CAST: variants seen among roughly 807,000 people sequenced by gnomAD.
CAST encodes the protein MIR583 host.
In CAST, 76 loss-of-function variants were observed where a neutral mutation model predicts 119.6. The ratio of observed to expected loss-of-function variants is 0.64; its 90% CI spans 0.53 to 0.77. The LOEUF (loss-of-function observed/expected upper bound fraction) is 0.77, where lower values mean the gene tolerates loss of function less well. CAST is among the 30% of genes least tolerant of loss of function. The pLI is 0.00. For missense variants in CAST, 953 were observed against 946.5 expected (o/e 1.01, Z -0.09); for synonymous variants, 319 against 331.6 (o/e 0.96, Z 0.41).
chr5:96,544,173 C>T (rs988130350), intron 1 of CAST, among the ~76,000 whole-genome samples: 3 of 152,112 alleles, frequency 2.0e-5, no homozygotes, highest in African/African-American at 4.8e-5. Flanking sequence ...TTGACAACAT[C>T]GAGTCTTCCA....
chr5:96,716,172 G>A (rs1052430143), intron 3 of CAST, among the ~76,000 whole-genome samples: 3 of 152,132 alleles, frequency 2.0e-5, no homozygotes, highest in African/African-American at 7.2e-5. Flanking sequence ...CCTATAAAAG[G>A]TGTTTAAAGA....
At chr5:96,052,332 G>C in the CAST span, among the ~76,000 whole-genome samples, 12 of 152,158 alleles carry the variant, frequency 7.9e-5, no homozygotes, top group Non-Finnish European at 1.6e-4. Flanking sequence ...TAGTGTTGAA[G>C]ATGGACTACA....
the CAST span, among the ~76,000 whole-genome samples, chr5:96,358,786 G>A: frequency 6.6e-6 from 1 of 152,174 alleles, no homozygotes; most frequent in African/African-American, 2.4e-5. Flanking sequence ...ATGATGTGGT[G>A]CTGACAAGAA....
At chr5:96,434,856 A>C in the CAST span, among the ~76,000 whole-genome samples, 15 of 152,320 alleles carry the variant, frequency 9.8e-5, no homozygotes, top group South Asian at 3.1e-3. Flanking sequence ...AATTTCTTTA[A>C]ACATAAAGCA....
intron 2 of CAST, among the ~76,000 whole-genome samples, chr5:96,693,165 A>G (rs894693108): frequency 6.6e-6 from 1 of 152,260 alleles, no homozygotes; most frequent in Admixed American, 6.5e-5. Context: ...CAGCTGAACT[A>G]CATTGGTCCT....
At chr5:96,412,750 A>ATGTTTTTTTTTTTTTGTTT in the CAST span, among the ~76,000 whole-genome samples, 1 of 63,388 alleles carries the variant, frequency 1.6e-5, no homozygotes, top group African/African-American at 7.9e-5. Context: ...GGCAGCTGTG[A>ATGTTTTTTTTTTTTTGTTT]TGTTTTTTTT....
chr5:96,332,102 A>T, the CAST span, among the ~76,000 whole-genome samples: 1 of 152,232 alleles, frequency 6.6e-6, no homozygotes, highest in Admixed American at 6.5e-5. Flanking sequence ...GTTGTAAAAG[A>T]GGAAAATCAA....
chr5:96,515,387 C>T, the CAST span, among the ~76,000 whole-genome samples: 1 of 151,808 alleles, frequency 6.6e-6, no homozygotes, highest in Non-Finnish European at 1.5e-5. Context: ...AATGGCACAA[C>T]AGCAGTCATT....
chr5:96,470,601 A>G, the CAST span, among the ~76,000 whole-genome samples: 5 of 152,028 alleles, frequency 3.3e-5, no homozygotes, highest in Admixed American at 3.3e-4. Flanking sequence ...ACTGAATTTA[A>G]TTAAGTCCTT....
the CAST span, among the ~76,000 whole-genome samples, chr5:96,275,521 A>G: frequency 2.6e-5 from 4 of 152,234 alleles, no homozygotes; most frequent in African/African-American, 4.8e-5. Context: ...TGAAGATAAT[A>G]TGATAGTTTG....
At chr5:96,720,559 G>A (rs1488524607) in intron 3 of CAST, among the ~76,000 whole-genome samples, 1 of 152,224 alleles carries the variant, frequency 6.6e-6, no homozygotes, top group Non-Finnish European at 1.5e-5. Context: ...GCCTTAGTGA[G>A]GGAAGAAAAC....
the CAST span, among the ~76,000 whole-genome samples, chr5:96,471,642 A>T: frequency 6.6e-6 from 1 of 152,158 alleles, no homozygotes; most frequent in Non-Finnish European, 1.5e-5. Flanking sequence ...ACTTTAAGTG[A>T]CACACAGAAA....
At chr5:96,438,098 G>A in the CAST span, among the ~76,000 whole-genome samples, 1 of 152,058 alleles carries the variant, frequency 6.6e-6, no homozygotes, top group East Asian at 1.9e-4. Flanking sequence ...TAACACTTTG[G>A]CATTCTGCTT....
At chr5:96,644,971 C>T (rs1028428334) in intron 1 of CAST, among the ~76,000 whole-genome samples, 1 of 152,112 alleles carries the variant, frequency 6.6e-6, no homozygotes, top group Non-Finnish European at 1.5e-5. Context: ...GTGAGAGTGT[C>T]TCAAAAAACA....
chr5:96,613,953 G>A (rs1747408851), intron 1 of CAST, among the ~76,000 whole-genome samples: 2 of 151,972 alleles, frequency 1.3e-5, no homozygotes, highest in Admixed American at 1.3e-4. Flanking sequence ...TTAAATTGTT[G>A]TTCATTTATC....
chr5:96,520,065 C>T, the CAST span, among the ~76,000 whole-genome samples: 4 of 152,182 alleles, frequency 2.6e-5, no homozygotes, highest in African/African-American at 4.8e-5. Context: ...AACAAAGCAC[C>T]CTGATGTCCA....
At chr5:96,580,207 T>A (rs1746745814) in intron 1 of CAST, among the ~76,000 whole-genome samples, 1 of 152,174 alleles carries the variant, frequency 6.6e-6, no homozygotes, top group Admixed American at 6.5e-5. Flanking sequence ...TTATTAAAAA[T>A]TTTATATTAA....
At chr5:96,065,744 G>C in the CAST span, among the ~76,000 whole-genome samples, 1 of 152,124 alleles carries the variant, frequency 6.6e-6, no homozygotes, top group Non-Finnish European at 1.5e-5. Context: ...TGTTGCCAGA[G>C]AGTGAATTCT....
the CAST span, among the ~76,000 whole-genome samples, chr5:95,977,373 T>C: frequency 6.6e-6 from 1 of 152,274 alleles, no homozygotes; most frequent in African/African-American, 2.4e-5. Flanking sequence ...TCTGCCCTCC[T>C]AACTTAATCA....
Sources: gnomAD v4.1 joint callset for allele counts (sites outside exome capture counted in the v4.1 genomes callset) on GRCh38, gnomAD v4.1.1 for gene constraint, MANE v1.5 for transcripts, NCBI Gene and HGNC (gene_info 2026-07-23, HGNC 2026-07-21) for gene names.